TAMALIN: variants seen among roughly 807,000 people sequenced by gnomAD.
The protein encoded by TAMALIN is trafficking regulator and scaffold protein tamalin, also known as protein TAMALIN.
TAMALIN carries 9 observed loss-of-function variants against 38.5 expected under a neutral mutation model. That is an observed-to-expected ratio of 0.23 (90% confidence interval 0.14 to 0.41). The LOEUF is 0.41. Among genes scored for constraint, TAMALIN ranks in the 10% least tolerant of loss-of-function variants. The pLI, the probability that TAMALIN is intolerant of heterozygous loss-of-function variation, is 1.00. For synonymous variants in TAMALIN, 306 were observed against 256.5 expected (o/e 1.19, Z -1.85); for missense variants, 548 against 554.1 (o/e 0.99, Z 0.11).
rs1646432893 is a variant in TAMALIN at position 52,006,977 on chromosome 12, G to A, written c.-43G>A. 3.9e-6 allele frequency: 5 copies of A among 1,271,276 alleles called. No individual in the cohort carries two copies. The highest frequency in any genetic ancestry group is 5.0e-6 in the Non-Finnish European group (5 of 1,007,710). 78.7% of individuals were successfully genotyped at this position (1,271,276 alleles called of 1,614,324 possible). A position where few individuals can be genotyped will look rare whatever the true frequency, so the allele number is the denominator to read the frequency against. ...CCCCAGCCGCCGCCAGCCCCGCCGA[G>A]GGGAGCCAGCGCCGTCTCTGAGGGG... On this transcript the variant is annotated 5_prime_UTR_variant, in exon 1 of 8. Transcript: ENST00000293662.
chr12:52,009,750 T>C (rs536537089), intron 2 of TAMALIN, among the ~76,000 whole-genome samples: 1 of 152,340 alleles, frequency 6.6e-6, no homozygotes, highest in South Asian at 2.1e-4. Flanking sequence ...AGGTGCTGAC[T>C]CCAGGCCCTG....
chr12:52,008,519 A>C (rs188340334), intron 1 of TAMALIN: 1 of 985,068 alleles, frequency 1.0e-6, no homozygotes, highest in African/African-American at 1.7e-5. Flanking sequence ...AATATATGGC[A>C]ATGGAGAGAG....
Position 52,015,161 on chromosome 12 carries a change from C to A in TAMALIN, c.1150C>A (p.Leu384Ile). 1 of 1,594,498 alleles carries A rather than the reference C, an allele frequency of 6.3e-7. No individual in the cohort carries two copies. The highest frequency in any genetic ancestry group is 8.5e-7 in the Non-Finnish European group (1 of 1,178,266). Residue 384 changes from leucine (L) to isoleucine (I), a missense_variant, in exon 8 of 8, where the codon CTC becomes ATC. Coordinates refer to ENST00000293662, the MANE Select transcript of TAMALIN (RefSeq NM_181711.4). The part of the protein sequence containing the change: ...RRRLLKFIPG[L>I]NRSLEEEESQ... ...GCGGCTGCTCAAGTTCATCCCCGGA[C>A]TCAACCGCTCCCTGGAGGAGGAGGA...
Position 52,013,694 on chromosome 12 carries a change from C to T in TAMALIN, c.462C>T (p.Thr154=), listed in dbSNP as rs1937713229. 1 of 1,614,078 alleles carries T rather than the reference C, an allele frequency of 6.2e-7. No individual in the cohort carries two copies. The highest frequency in any genetic ancestry group is 2.2e-5 in the East Asian group (1 of 44,890). The stretch of plus-strand genomic sequence containing the variant: ...CCCTTGTCTGCCTGGCAGGGGACAC[C>T]ATCGCCAGCGTCAATGGCCTGAATG... ...AQLAGLTPGD[T]IASVNGLNVE... The change falls in exon 5 of 8, where the codon ACC becomes ACT. Residue 154 remains threonine (T), a synonymous_variant. Transcript: ENST00000293662.
chr12:52,008,859 C>G (rs889003644), intron 1 of TAMALIN: 42 of 637,546 alleles, frequency 6.6e-5, no homozygotes, highest in Non-Finnish European at 8.2e-5. Context: ...AGACATGGGC[C>G]CTAGGGGTGG....
At position 52,008,833 on chromosome 12, in the gene TAMALIN, T is replaced by C. The variant is rs1942454715; in HGVS notation, c.247-357T>C. The C allele has an allele frequency of 4.7e-6, 4 of 858,356 alleles. No individual in the cohort carries two copies. The African/African-American group carries it at 5.5e-5, about 12-fold the overall frequency. The allele number at this position is 858,356 out of a possible 1,614,324, so 53.2% of individuals were successfully genotyped here. ...CCTGCCTCAGCTTTGGGAGTCTGGA[T>C]GGCCTGAGCCTCTACAGACATGGGC... On this transcript the variant is annotated intron_variant, in intron 1 of 7. Transcript: ENST00000293662.
chr12:52,008,400 C>G, intron 1 of TAMALIN: 1 of 985,310 alleles, frequency 1.0e-6, no homozygotes, highest in Non-Finnish European at 1.2e-6. Context: ...ATCTCTCATC[C>G]TTCCTCCACA....
chr12:52,008,383 A>G, intron 1 of TAMALIN: 11 of 985,344 alleles, frequency 1.1e-5, no homozygotes, highest in Non-Finnish European at 1.3e-5. Flanking sequence ...AAGAGACAGG[A>G]ACCTTCATCT....
Position 52,015,146 on chromosome 12 carries a change from A to C in TAMALIN, c.1135A>C (p.Lys379Gln). Residue 379 changes from lysine to glutamine, a missense_variant, in exon 8 of 8, where the codon AAG becomes CAG. Lys to Gln is a moderately conservative substitution (Grantham distance 53, BLOSUM62 1). Coordinates refer to ENST00000293662, the MANE Select transcript of TAMALIN (RefSeq NM_181711.4). ...KYRSFRRRLLKFIPGLNRSLE... is the reference protein window; with the variant it reads ...KYRSFRRRLLQFIPGLNRSLE... The stretch of plus-strand genomic sequence containing the variant: ...CCGCAGCTTCCGCCGGCGGCTGCTC[A>C]AGTTCATCCCCGGACTCAACCGCTC... The C allele has an allele frequency of 6.3e-7, 1 of 1,594,254 alleles. No homozygotes were observed.
At position 52,013,749 on chromosome 12, in the gene TAMALIN, G is replaced by A. The variant is rs1303799031; in HGVS notation, c.517G>A (p.Asp173Asn). The change falls in exon 5 of 8, where the codon GAC (aspartate) becomes AAC (asparagine). Residue 173 changes from aspartate (D) to asparagine (N), a missense_variant. By Grantham distance (23) the Asp-to-Asn change is conservative (BLOSUM62 1). Transcript: ENST00000293662. ...VEGIRHREIV[D>N]IIKASGNVLR... Reference sequence around the variant, plus strand: ...AGGCATCCGGCATCGAGAGATTGTGGACATCATTAAGGCGTCAGGCAATGT... The same window carrying A: ...AGGCATCCGGCATCGAGAGATTGTGAACATCATTAAGGCGTCAGGCAATGT... The A allele has an allele frequency of 6.2e-7, 1 of 1,614,140 alleles. No homozygotes were observed. The highest frequency in any genetic ancestry group is 1.1e-5 in the South Asian group (1 of 91,078).
In TAMALIN at chr12:52,015,330, C is replaced by T. The variant is rs2120866746; in HGVS notation, c.*131C>T. On this transcript the variant is annotated 3_prime_UTR_variant, in exon 8 of 8. Transcript: ENST00000293662. ...GAGGGTCCTTCCTAGCCTCGGCCCG[C>T]CGGGTCGGTTCCTGGCTGGTGTCTG... 2 of 1,145,502 alleles carry T rather than the reference C, an allele frequency of 1.7e-6. No individual in the cohort carries two copies. Among genetic ancestry groups the T allele is most frequent in the South Asian group, 3.4e-5 (2 of 58,996 alleles). The allele number at this position is 1,145,502 out of a possible 1,614,324, so 71.0% of individuals were successfully genotyped here.
rs906922592 is a variant in TAMALIN, at chr12:52,011,749, C to T, written c.454+608C>T. Among the ~76,000 whole-genome samples, 1 of 152,014 alleles carries T rather than the reference C, an allele frequency of 6.6e-6. No individual in the cohort carries two copies. ...GCCTCCCAAAGCAATATGTTACTTC[C>T]TCTAACAAGGAAATTATGCTTCAGC... On this transcript the variant is annotated intron_variant, in intron 4 of 7. Transcript: ENST00000293662. The surrounding 1 kb of genome is among the most constrained non-coding windows in gnomAD (Gnocchi z 5.3).
Position 52,011,124 on chromosome 12 carries a change from T to A in TAMALIN, c.437T>A (p.Leu146Gln). Residue 146 changes from leucine (L) to glutamine (Q), a missense_variant, in exon 4 of 8, where the codon CTG becomes CAG. By Grantham distance (113) the Leu-to-Gln change is moderately radical (BLOSUM62 -2). This residue lies in a region of TAMALIN where 415 missense variants were observed against 417.0 expected (regional missense o/e 1.00). Coordinates refer to ENST00000293662, the MANE Select transcript of TAMALIN (RefSeq NM_181711.4). This position sits in a 1 kb window ranked among gnomAD's most constrained non-coding sequence, Gnocchi z 5.3. ...GTTCATGAGTCTAGCCCTGCCCAGC[T>A]GGCTGGGCTCACACCAGGTGGGGCC... ...CRVHESSPAQ[L>Q]AGLTPGDTIA... 9 of 1,611,950 alleles carry A rather than the reference T, an allele frequency of 5.6e-6. No individual in the cohort carries two copies. Among genetic ancestry groups the A allele is most frequent in the Non-Finnish European group, 7.6e-6 (9 of 1,179,790 alleles).
chr12:52,014,970 C>G lies in TAMALIN; in HGVS notation c.959C>G (p.Pro320Arg). ...PGPAETPAVG[P>R]GPGPRAALSR... ...CCCGCCGAGACCCCTGCCGTGGGGC[C>G]GGGCCCTGGGCCGCGGGCCGCGCTG... Residue 320 changes from proline (P) to arginine (R), a missense_variant, in exon 8 of 8, where the codon CCG becomes CGG. This residue lies in a region of TAMALIN where 415 missense variants were observed against 417.0 expected (regional missense o/e 1.00). Coordinates refer to ENST00000293662, the MANE Select transcript of TAMALIN (RefSeq NM_181711.4). The G allele has an allele frequency of 2.1e-6, 2 of 971,350 alleles. No homozygotes were observed. The highest frequency in any genetic ancestry group is 2.4e-6 in the Non-Finnish European group (2 of 818,080). 60.2% of individuals were successfully genotyped at this position (971,350 alleles called of 1,614,324 possible). A position where few individuals can be genotyped will look rare whatever the true frequency, so the allele number is the denominator to read the frequency against.
Position 52,007,525 on chromosome 12 carries a change from C to G in TAMALIN, c.246+260C>G, listed in dbSNP as rs1195014081. The stretch of plus-strand genomic sequence containing the variant: ...TCTCCCTCCTTGACTCCTCCCAGCA[C>G]CCCCCTTCTCCTACCCGCTCCATCT... On this transcript the variant is annotated intron_variant, in intron 1 of 7. Coordinates refer to ENST00000293662, the MANE Select transcript of TAMALIN (RefSeq NM_181711.4). The surrounding 1 kb of genome is among the most constrained non-coding windows in gnomAD (Gnocchi z 6.7). 6 of 983,366 alleles carry G rather than the reference C, an allele frequency of 6.1e-6. No homozygotes were observed. In the African/African-American group the frequency reaches 8.8e-5, roughly 14 times the overall value. The allele number at this position is 983,366 out of a possible 1,614,324, so 60.9% of individuals were successfully genotyped here. A position where few individuals can be genotyped will look rare whatever the true frequency, so the allele number is the denominator to read the frequency against.
chr12:52,007,451 G>A lies in TAMALIN; in HGVS notation c.246+186G>A. On this transcript the variant is annotated intron_variant, in intron 1 of 7. Coordinates refer to ENST00000293662, the MANE Select transcript of TAMALIN (RefSeq NM_181711.4). The surrounding 1 kb of genome is among the most constrained non-coding windows in gnomAD (Gnocchi z 6.7). ...AGGCCGTGGCCCTCGCCTGCACACCGCGCCCAGGCTCGGTGGCTCTTAACT... is the reference window on the plus strand; with the variant it reads ...AGGCCGTGGCCCTCGCCTGCACACCACGCCCAGGCTCGGTGGCTCTTAACT... 1 of 985,016 alleles carries A rather than the reference G, an allele frequency of 1.0e-6. No homozygotes were observed. Among genetic ancestry groups the A allele is most frequent in the Non-Finnish European group, 1.2e-6 (1 of 829,806 alleles). 61.0% of individuals were successfully genotyped at this position (985,016 alleles called of 1,614,324 possible). A position where few individuals can be genotyped will look rare whatever the true frequency, so the allele number is the denominator to read the frequency against.
At chr12:52,010,591 A>G (rs1942486087) in intron 2 of TAMALIN, 2 of 1,222,786 alleles carry the variant, frequency 1.6e-6, no homozygotes, top group Admixed American at 7.1e-5. Context: ...CTCACTGGAA[A>G]GCTGGGATGG....
rs563486471 is a variant in TAMALIN, at chr12:52,007,860, C to A, written c.246+595C>A. The A allele has an allele frequency of 1.6e-5, 16 of 985,412 alleles. No homozygotes were observed. The African/African-American group carries it at 2.6e-4, about 16-fold the overall frequency. 61.0% of individuals were successfully genotyped at this position (985,412 alleles called of 1,614,324 possible). A position where few individuals can be genotyped will look rare whatever the true frequency, so the allele number is the denominator to read the frequency against. On this transcript the variant is annotated intron_variant, in intron 1 of 7. Coordinates refer to ENST00000293662, the MANE Select transcript of TAMALIN (RefSeq NM_181711.4). This position sits in a 1 kb window ranked among gnomAD's most constrained non-coding sequence, Gnocchi z 6.7. The stretch of plus-strand genomic sequence containing the variant: ...TCCCTGGACTTCTGTCGGAACCGGA[C>A]GCAGTGGGAGGGGTCGCAGGGCGCC...
At chr12:52,014,007 G>C in intron 6 of TAMALIN, 64 bp downstream of exon 6, 11 of 1,569,070 alleles carry the variant, frequency 7.0e-6, no homozygotes, top group Non-Finnish European at 6.1e-6. Flanking sequence ...CCCTGTGGGG[G>C]GTCACTTACA....
Sources: allele counts gnomAD v4.1 joint callset (sites outside exome capture counted in the v4.1 genomes callset), GRCh38; gene constraint gnomAD v4.1.1; regional missense constraint gnomAD v4.1.1; non-coding constraint Gnocchi (gnomAD v3.1); transcripts MANE v1.5; gene names NCBI Gene and HGNC (gene_info 2026-07-23, HGNC 2026-07-21).